Variants in MICAL3 observed in about 807,000 individuals in gnomAD.
The protein encoded by MICAL3 is microtubule associated monooxygenase, calponin and LIM domain containing 3, also known as [F-actin]-monooxygenase MICAL3.
A neutral mutation model predicts 207.4 loss-of-function variants in MICAL3; 62 were observed. The ratio of observed to expected loss-of-function variants is 0.30; its 90% CI spans 0.24 to 0.37. The LOEUF is 0.37. Among genes scored for constraint, MICAL3 ranks in the 10% least tolerant of loss-of-function variants. The pLI is 1.00. For synonymous variants in MICAL3, 1,077 were observed against 1,069.3 expected (o/e 1.01, Z -0.14); for missense variants, 2,368 against 2,635.6 (o/e 0.90, Z 2.22).
At chr22:17,911,117 C>A (rs1232587863) in intron 1 of MICAL3, among the ~76,000 whole-genome samples, 1 of 152,206 alleles carries the variant, frequency 6.6e-6, no homozygotes, top group Non-Finnish European at 1.5e-5. Context: ...CAGCTGACTG[C>A]TGACTCAGAA....
chr22:17,927,210 C>G (rs1025302225), intron 1 of MICAL3, among the ~76,000 whole-genome samples: 1 of 152,320 alleles, frequency 6.6e-6, no homozygotes, highest in African/African-American at 2.4e-5. Flanking sequence ...GCTTATTTCA[C>G]TTAGTATAAG....
chr22:18,016,300 T>C (rs1161719221), intron 1 of MICAL3, among the ~76,000 whole-genome samples: 1 of 152,250 alleles, frequency 6.6e-6, no homozygotes, highest in East Asian at 1.9e-4. Flanking sequence ...GTTCATTGCA[T>C]TGCCTCATGT....
At chr22:17,879,218 T>G in intron 16 of MICAL3, 1 of 694,404 alleles carries the variant, frequency 1.4e-6, no homozygotes, top group East Asian at 2.8e-5. Flanking sequence ...CTTGGCTGGG[T>G]GACAAGAGCG....
chr22:17,962,025 G>A (rs1430942769), intron 1 of MICAL3, among the ~76,000 whole-genome samples: 1 of 152,192 alleles, frequency 6.6e-6, no homozygotes, highest in African/African-American at 2.4e-5. Context: ...AGAAAAATGG[G>A]TTCAAAATGA....
intron 1 of MICAL3, among the ~76,000 whole-genome samples, chr22:17,963,199 G>A (rs1456724472): frequency 2.6e-5 from 4 of 151,920 alleles, no homozygotes; most frequent in Non-Finnish European, 1.5e-5. Context: ...TGCACCCGCC[G>A]CCTCCCAGGC....
In MICAL3 at chr22:17,819,017, T is replaced by C; in HGVS notation, c.3644A>G (p.Asp1215Gly). The C allele has an allele frequency of 1.2e-6, 2 of 1,607,112 alleles. No individual in the cohort carries two copies. The highest frequency in any genetic ancestry group is 1.7e-6 in the Non-Finnish European group (2 of 1,176,782). The change falls in exon 26 of 32, where the codon GAT (aspartate) becomes GGT (glycine). Residue 1215 changes from aspartate to glycine, a missense_variant. Physicochemically the swap from Asp to Gly is moderately conservative, Grantham distance 94 (BLOSUM62 -1). Transcript: ENST00000441493. The stretch of plus-strand genomic sequence containing the variant: ...GATGGGAGAGTGCACAGCTTTCAGA[T>C]CCGAGGGGGCATCAGCTTTGGGCTT... Reference protein sequence around the residue: ...KEKPKADAPSDLKAVHSPIRS... With the variant: ...KEKPKADAPSGLKAVHSPIRS...
intron 19 of MICAL3, among the ~76,000 whole-genome samples, chr22:17,843,565 C>T (rs960461701): frequency 2.0e-5 from 3 of 152,194 alleles, no homozygotes; most frequent in Non-Finnish European, 4.4e-5. Context: ...CTCCCAGAGC[C>T]GTCATGGACA....
chr22:17,964,566 A>T (rs1383080590), intron 1 of MICAL3, among the ~76,000 whole-genome samples: 1 of 152,248 alleles, frequency 6.6e-6, no homozygotes. Context: ...CCCTACGTGA[A>T]GATTAAAAAT....
intron 1 of MICAL3, among the ~76,000 whole-genome samples, chr22:17,916,794 A>G (rs2146289081): frequency 6.6e-6 from 1 of 152,222 alleles, no homozygotes; most frequent in South Asian, 2.1e-4. Flanking sequence ...GCACGTTGAA[A>G]TGGCCCCGGA....
chr22:17,917,784 A>T (rs1932626834), intron 1 of MICAL3, among the ~76,000 whole-genome samples: 1 of 152,060 alleles, frequency 6.6e-6, no homozygotes, highest in African/African-American at 2.4e-5. Flanking sequence ...GGCTCACCTT[A>T]TCAGAGAGAG....
Position 17,906,890 on chromosome 22 carries a change from A to C in MICAL3, c.-74-4T>G. On this transcript the variant is annotated splice_region_variant and splice_polypyrimidine_tract_variant and intron_variant, in intron 1 of 31. Coordinates refer to ENST00000441493, the MANE Select transcript of MICAL3 (RefSeq NM_015241.3). ...CACCTGACACTGTCACGTTAATCTGACAAAAAGAAAGAAAAACGTGGTTAG... is the reference window on the plus strand; with the variant it reads ...CACCTGACACTGTCACGTTAATCTGCCAAAAAGAAAGAAAAACGTGGTTAG... 1 of 1,388,614 alleles carries C rather than the reference A, an allele frequency of 7.2e-7. No individual in the cohort carries two copies. The highest frequency in any genetic ancestry group is 9.8e-7 in the Non-Finnish European group (1 of 1,021,058). The allele number at this position is 1,388,614 out of a possible 1,614,324, so 86.0% of individuals were successfully genotyped here.
rs1323232517 is a variant in MICAL3 at position 17,818,916 on chromosome 22, C to T, written c.3745G>A (p.Ala1249Thr). Residue 1249 changes from alanine to threonine, a missense_variant, in exon 26 of 32, where the codon GCG becomes ACG. This residue lies in a region of MICAL3 where 1,770 missense variants were observed against 1,863.2 expected (regional missense o/e 0.95). Transcript: ENST00000441493. ...GGGCTGGGTGGGGGCGTGGAGGCCG[C>T]CACGGGTGGCTGGGGCTGCGGGCTC... ...PGSPQPQPPV[A>T]ASTPPPSPLP... 2.5e-6 allele frequency: 4 copies of T among 1,570,246 alleles called. No individual in the cohort carries two copies. In the South Asian group the frequency reaches 4.8e-5, roughly 19 times the overall value.
chr22:17,870,221 A>G (rs1429976111), intron 17 of MICAL3, among the ~76,000 whole-genome samples: 8 of 151,818 alleles, frequency 5.3e-5, no homozygotes, highest in Admixed American at 5.2e-4. Context: ...CTGCCACCCG[A>G]TCTCCCACCA....
intron 6 of MICAL3, among the ~76,000 whole-genome samples, chr22:17,899,956 G>A (rs1411620697): frequency 6.6e-6 from 1 of 152,220 alleles, no homozygotes; most frequent in African/African-American, 2.4e-5. Flanking sequence ...ACGCCTGGAA[G>A]CAGAGAGTGA....
intron 20 of MICAL3, chr22:17,839,956 G>A (rs1602022914): frequency 2.2e-5 from 3 of 138,330 alleles, no homozygotes; most frequent in East Asian, 2.1e-4. Context: ...TTTTTGAGAC[G>A]GAGTCTCACC....
At chr22:17,965,341 T>A (rs748063010) in intron 1 of MICAL3, among the ~76,000 whole-genome samples, 6 of 152,200 alleles carry the variant, frequency 3.9e-5, no homozygotes, top group Non-Finnish European at 5.9e-5. Flanking sequence ...AGGGTGCCTA[T>A]AATTTCAATG....
intron 22 of MICAL3, among the ~76,000 whole-genome samples, chr22:17,825,315 A>T (rs969116993): frequency 6.6e-6 from 1 of 152,206 alleles, no homozygotes; most frequent in Non-Finnish European, 1.5e-5. Flanking sequence ...GTTGAAAGGG[A>T]CACAGCTTGA....
At chr22:17,936,865 T>C (rs1257847912) in intron 1 of MICAL3, among the ~76,000 whole-genome samples, 1 of 152,110 alleles carries the variant, frequency 6.6e-6, no homozygotes, top group Non-Finnish European at 1.5e-5. Context: ...AAAGCAGAGG[T>C]GTGCAGGACA....
chr22:17,891,541 G>C lies in MICAL3; in HGVS notation c.1638C>G (p.Ser546=). 3 of 1,613,992 alleles carry C rather than the reference G, an allele frequency of 1.9e-6. No homozygotes were observed. Among genetic ancestry groups the C allele is most frequent in the Non-Finnish European group, 2.5e-6 (3 of 1,179,852 alleles). The change falls in exon 12 of 32, where the codon TCC becomes TCG. Residue 546 remains serine, a synonymous_variant. Coordinates refer to ENST00000441493, the MANE Select transcript of MICAL3 (RefSeq NM_015241.3). ...CACAAAGGGCCAAGCCACTTTTCCA[G>C]GACATGGTGAGATCTGTCACGTTTA... ...AGVNVTDLTM[S]WKSGLALCAI...
Sources: gnomAD v4.1 joint callset for allele counts (sites outside exome capture counted in the v4.1 genomes callset) on GRCh38, gnomAD v4.1.1 for gene constraint, gnomAD v4.1.1 regional missense constraint, MANE v1.5 for transcripts, NCBI Gene and HGNC (gene_info 2026-07-23, HGNC 2026-07-21) for gene names.